EFL1: variants seen among roughly 807,000 people sequenced by gnomAD.
EFL1 encodes elongation factor-like GTPase 1.
A neutral mutation model predicts 126.7 loss-of-function variants in EFL1; 76 were observed. The observed-to-expected ratio is 0.60, with a 90% confidence interval of 0.50 to 0.73. EFL1 has a LOEUF of 0.73. EFL1 is among the 30% of genes least tolerant of loss of function. EFL1 has a pLI of 0.00. For synonymous variants in EFL1, 410 were observed against 448.4 expected, an observed-to-expected ratio of 0.91 and a Z score of 1.08; for missense variants, 1,128 against 1,343.2, an observed-to-expected ratio of 0.84 and a Z score of 2.50.
At chr15:82,244,086 T>G (rs2074949500) in intron 4 of EFL1, among the ~76,000 whole-genome samples, 1 of 152,156 alleles carries the variant, frequency 6.6e-6, no homozygotes, top group Admixed American at 6.5e-5. Flanking sequence ...GACAAAGGCT[T>G]GGCTCAGCTC....
At chr15:82,228,434 CA>C in intron 9 of EFL1, 107 bp from the exon 10 acceptor site, 6 of 1,378,928 alleles carry the variant, frequency 4.4e-6, no homozygotes, top group Non-Finnish European at 4.8e-6. Context: ...GTTACTTTTT[CA>C]AAAAAAGCTA....
At chr15:82,147,854 G>T (rs186293145) in intron 18 of EFL1, among the ~76,000 whole-genome samples, 1 of 152,102 alleles carries the variant, frequency 6.6e-6, no homozygotes, top group East Asian at 1.9e-4. Context: ...CACAGTAGAA[G>T]GAAGAAGAGG....
chr15:82,148,734 C>T (rs769111487), intron 18 of EFL1, among the ~76,000 whole-genome samples: 2 of 152,028 alleles, frequency 1.3e-5, no homozygotes, highest in Non-Finnish European at 2.9e-5. Flanking sequence ...GAGAATTTGC[C>T]CTTTTGAGAA....
intron 18 of EFL1, among the ~76,000 whole-genome samples, chr15:82,142,301 G>A (rs1595937790): frequency 6.6e-6 from 1 of 152,192 alleles, no homozygotes; most frequent in South Asian, 2.1e-4. Flanking sequence ...GACCAGCCTA[G>A]GTAACAAAAC....
At chr15:82,141,188 C>T (rs1168059195) in intron 18 of EFL1, among the ~76,000 whole-genome samples, 1 of 151,992 alleles carries the variant, frequency 6.6e-6, no homozygotes, top group African/African-American at 2.4e-5. Context: ...TATTTGGTAC[C>T]CGGAAATGAA....
chr15:82,163,366 C>T (rs570882366), intron 16 of EFL1, among the ~76,000 whole-genome samples: 1 of 152,256 alleles, frequency 6.6e-6, no homozygotes, highest in South Asian at 2.1e-4. Context: ...ACTGGCGAAA[C>T]CCCGTATCTA....
intron 15 of EFL1, among the ~76,000 whole-genome samples, chr15:82,213,667 ATACAG>A (rs1418583544): frequency 1.3e-5 from 2 of 152,222 alleles, no homozygotes; most frequent in Non-Finnish European, 2.9e-5. Context: ...AATTTGAGCA[ATACAG>A]TAATCTCAAG....
chr15:82,203,627 C>T (rs956025606), intron 15 of EFL1, among the ~76,000 whole-genome samples: 2 of 152,230 alleles, frequency 1.3e-5, no homozygotes, highest in Non-Finnish European at 2.9e-5. Context: ...CTCACTCCCC[C>T]TTGGCCTCCC....
At chr15:82,164,633 C>CGG (rs2074058587) in intron 15 of EFL1, among the ~76,000 whole-genome samples, 1 of 152,182 alleles carries the variant, frequency 6.6e-6, no homozygotes, top group Non-Finnish European at 1.5e-5. Context: ...TGCAGTGGCT[C>CGG]ACGCCTGCAA....
intron 17 of EFL1, among the ~76,000 whole-genome samples, chr15:82,152,901 T>C (rs1268024750): frequency 1.3e-5 from 2 of 152,208 alleles, no homozygotes; most frequent in Non-Finnish European, 2.9e-5. Context: ...ATGAGGCTTA[T>C]AGCAAGGCTA....
intron 17 of EFL1, among the ~76,000 whole-genome samples, chr15:82,154,626 T>C: frequency 6.6e-6 from 1 of 152,336 alleles, no homozygotes; most frequent in African/African-American, 2.4e-5. Flanking sequence ...AGAACAGTCT[T>C]AGCCCTCAGA....
At chr15:82,256,115 T>C (rs1473521812) in intron 3 of EFL1, among the ~76,000 whole-genome samples, 1 of 151,160 alleles carries the variant, frequency 6.6e-6, no homozygotes, top group Non-Finnish European at 1.5e-5. Flanking sequence ...TTGTTGTTAT[T>C]GTTGTTGTTT....
At chr15:82,244,161 A>G (rs1391421512) in intron 4 of EFL1, among the ~76,000 whole-genome samples, 1 of 152,136 alleles carries the variant, frequency 6.6e-6, no homozygotes, top group African/African-American at 2.4e-5. Flanking sequence ...AAACAACGTT[A>G]ACCTAAATTT....
chr15:82,222,685 T>C (rs2141305942), intron 12 of EFL1, among the ~76,000 whole-genome samples: 1 of 152,314 alleles, frequency 6.6e-6, no homozygotes, highest in East Asian at 1.9e-4. Context: ...TCAGCAAGGA[T>C]GTGTAAAAAG....
At chr15:82,201,225 C>T (rs2141281734) in intron 15 of EFL1, among the ~76,000 whole-genome samples, 1 of 152,202 alleles carries the variant, frequency 6.6e-6, no homozygotes, top group Non-Finnish European at 1.5e-5. Context: ...ATTGAACACT[C>T]AAGAGATCTT....
At chr15:82,247,873 G>A (rs1381048741) in intron 4 of EFL1, among the ~76,000 whole-genome samples, 1 of 152,190 alleles carries the variant, frequency 6.6e-6, no homozygotes, top group African/African-American at 2.4e-5. Context: ...GAAGACCACA[G>A]GGACGTAGGT....
rs550790124 is a variant in EFL1, at chr15:82,228,225, G to A, written c.1035C>T (p.Cys345=). ...CATGGGATATGGGTAGCCACTGACT[G>A]CAAATGGCGTTGATCTGAACTTTAG... ...SDPKVQINAI[C]SQWLPISHAV... Residue 345 remains cysteine, a synonymous_variant, in exon 10 of 20, where the codon TGC becomes TGT. Transcript: ENST00000268206. 6 of 1,613,848 alleles carry A rather than the reference G, an allele frequency of 3.7e-6. 1 individual carries two copies. In the South Asian group the frequency reaches 6.6e-5, roughly 18 times the overall value.
chr15:82,159,122 C>A (rs966310136), intron 16 of EFL1, among the ~76,000 whole-genome samples: 2 of 151,250 alleles, frequency 1.3e-5, no homozygotes, highest in Non-Finnish European at 2.9e-5. Context: ...GACAGAGGCA[C>A]CTTCATTTGT....
At chr15:82,196,496 T>C (rs771054864) in intron 15 of EFL1, among the ~76,000 whole-genome samples, 2 of 152,214 alleles carry the variant, frequency 1.3e-5, no homozygotes, top group Admixed American at 6.5e-5. Context: ...ATCTCAGCTA[T>C]ACAACTACAC....
Sources: gnomAD v4.1 joint callset for allele counts (sites outside exome capture counted in the v4.1 genomes callset) on GRCh38, gnomAD v4.1.1 for gene constraint, MANE v1.5 for transcripts, NCBI Gene and HGNC (gene_info 2026-07-23, HGNC 2026-07-21) for gene names.